The following AK9 variants were observed in gnomAD, a reference collection of about 807,000 sequenced individuals.
The protein encoded by AK9 is adenylate kinase domain containing 1.
In AK9, 191 loss-of-function variants were observed where a neutral mutation model predicts 239.6. That is an observed-to-expected ratio of 0.80 (90% confidence interval 0.71 to 0.90). The LOEUF is 0.90. Ranked by LOEUF, AK9 falls within the 40% of genes least tolerant of loss-of-function variation. The probability of loss-of-function intolerance (pLI) is 0.00; values close to 1 mark genes in which losing one functional copy is unlikely to be tolerated. For missense variants in AK9, 1,995 were observed against 2,214.7 expected, an observed-to-expected ratio of 0.90 and a Z score of 1.99; for synonymous variants, 689 against 721.0, an observed-to-expected ratio of 0.96 and a Z score of 0.71.
At position 109,550,051 on chromosome 6, in the gene AK9, C is replaced by T. The variant is rs746906149; in HGVS notation, c.2964+39G>A. ...GATTGGTAATCAGTCCCAAAAAAAT[C>T]CTGTGGGAGCAATCATTAAGATAGG... On this transcript the variant is annotated intron_variant, in intron 25 of 40. Coordinates refer to ENST00000424296, the MANE Select transcript of AK9 (RefSeq NM_001145128.3). 9 of 1,590,054 alleles carry T rather than the reference C, an allele frequency of 5.7e-6. No individual in the cohort carries two copies. In the Admixed American group the frequency reaches 1.0e-4, roughly 18 times the overall value.
Position 109,635,357 on chromosome 6 carries a change from A to G in AK9, c.934-2034T>C, listed in dbSNP as rs78521208. ...GGATTCACTTTGCAAAACCCTGGAA[A>G]GACATGGGACCTTGTGATACCAGGT... is the stretch of plus-strand genomic sequence containing the variant. On this transcript the variant is annotated intron_variant, in intron 10 of 40. Transcript: ENST00000424296. Among the ~76,000 whole-genome samples, 335 of 152,322 alleles carry G rather than the reference A, an allele frequency of 2.2e-3. 2 individuals are homozygous for G. Among genetic ancestry groups the G allele is most frequent in the African/African-American group, 7.8e-3 (323 of 41,578 alleles).
intron 21 of AK9, among the ~76,000 whole-genome samples, chr6:109,571,717 T>C (rs1303158918): frequency 6.6e-6 from 1 of 152,180 alleles, no homozygotes; most frequent in African/African-American, 2.4e-5. Context: ...TTAATAGACA[T>C]TTTTCAAATT....
At chr6:109,649,057 A>G (rs866111734) in intron 8 of AK9, among the ~76,000 whole-genome samples, 1 of 152,078 alleles carries the variant, frequency 6.6e-6, no homozygotes, top group African/African-American at 2.4e-5. Flanking sequence ...CATGCTAAAA[A>G]CTCTCAATAA....
chr6:109,659,624 C>A (rs746930348), intron 6 of AK9, among the ~76,000 whole-genome samples: 1 of 151,498 alleles, frequency 6.6e-6, no homozygotes, highest in Non-Finnish European at 1.5e-5. Context: ...TTTTATTTGT[C>A]CAAAATTAAT....
rs1324928055 is a variant in AK9, at chr6:109,671,993, C to G, written c.257G>C (p.Gly86Ala). 2 of 1,613,834 alleles carry G rather than the reference C, an allele frequency of 1.2e-6. No individual in the cohort carries two copies. The highest frequency in any genetic ancestry group is 1.3e-5 in the African/African-American group (1 of 74,884). ...GACAAGTTCATCTGGAATGCTTTGA[C>G]CGCTGATCAACATTGATTGCAACTA... ...GVMLQSMLIS[G>A]QSIPDELVIK... is the part of the protein sequence containing the mutation. The change falls in exon 5 of 41, where the codon GGT (glycine) becomes GCT (alanine). Residue 86 changes from glycine to alanine, a missense_variant. Gly to Ala is a moderately conservative substitution (Grantham distance 60). This residue lies in a region of AK9 where 252 missense variants were observed against 246.4 expected (regional missense o/e 1.02). Transcript: ENST00000424296.
At chr6:109,545,746 T>C in intron 26 of AK9, 121 bp downstream of exon 26, 4 of 1,251,286 alleles carry the variant, frequency 3.2e-6, no homozygotes, top group Non-Finnish European at 2.2e-6. Context: ...GAGGCTTTGG[T>C]GAGCTGTGAT....
intron 28 of AK9, among the ~76,000 whole-genome samples, chr6:109,529,667 A>T (rs1219773594): frequency 6.6e-6 from 1 of 152,174 alleles, no homozygotes; most frequent in East Asian, 1.9e-4. Flanking sequence ...CTGCAACTAC[A>T]TGGTCCCATC....
Position 109,546,025 on chromosome 6 carries a change from C to T in AK9, c.3067G>A (p.Glu1023Lys), listed in dbSNP as rs752086008. ...AGTAGTTTTTCTTGAAGAACTTCTT[C>T]AAACTGAATGTGAAAAATGTTTAAT... ...EKLNIFHIQF[E>K]EVLQEKLLLK... Residue 1023 changes from glutamate (E) to lysine (K), a missense_variant, in exon 26 of 41, where the codon GAA becomes AAA. Coordinates refer to ENST00000424296, the MANE Select transcript of AK9 (RefSeq NM_001145128.3). The T allele has an allele frequency of 3.7e-6, 6 of 1,613,418 alleles. No homozygotes were observed. The highest frequency in any genetic ancestry group is 1.3e-5 in the African/African-American group (1 of 74,926).
chr6:109,661,029 G>A (rs937997445), intron 6 of AK9: 12 of 458,466 alleles, frequency 2.6e-5, no homozygotes, highest in Non-Finnish European at 5.1e-5. Context: ...AATTTCAAGA[G>A]GTTCATGAAT....
intron 26 of AK9, among the ~76,000 whole-genome samples, chr6:109,545,061 G>A (rs1021728992): frequency 1.2e-4 from 19 of 152,202 alleles, no homozygotes; most frequent in African/African-American, 4.6e-4. Context: ...ACTTTTATGG[G>A]CTAATTATTT....
intron 35 of AK9, among the ~76,000 whole-genome samples, chr6:109,500,659 T>A (rs1197920743): frequency 1.3e-5 from 2 of 152,172 alleles, no homozygotes; most frequent in African/African-American, 4.8e-5. Context: ...AGCACTGTAA[T>A]CCCTTATCTA....
At chr6:109,569,056 A>T (rs1206621391) in intron 21 of AK9, among the ~76,000 whole-genome samples, 1 of 152,218 alleles carries the variant, frequency 6.6e-6, no homozygotes, top group Non-Finnish European at 1.5e-5. Flanking sequence ...TAACCAAAAC[A>T]GTATGGTACT....
Position 109,563,650 on chromosome 6 carries a change from A to G in AK9, c.2698T>C (p.Tyr900His). The change falls in exon 24 of 41, where the codon TAC becomes CAC. Residue 900 changes from tyrosine to histidine, a missense_variant. Around this residue, in one of 5 missense-constraint regions of AK9, gnomAD observed 1,290 missense variants for 1,392.7 expected, o/e 0.93. Transcript: ENST00000424296. ...GEDYEEETEDYQTEAEVDEEL... is the reference protein window; with the variant it reads ...GEDYEEETEDHQTEAEVDEEL... ...TCATCAACCTCTGCTTCAGTCTGGT[A>G]GTCTTCTGTTTCTTCCTCATAATCT... 1.3e-6 allele frequency: 2 copies of G among 1,550,638 alleles called. No individual in the cohort carries two copies. Among genetic ancestry groups the G allele is most frequent in the Non-Finnish European group, 1.7e-6 (2 of 1,145,988 alleles).
chr6:109,637,809 A>T (rs909677693), intron 10 of AK9, among the ~76,000 whole-genome samples: 1 of 152,248 alleles, frequency 6.6e-6, no homozygotes, highest in Non-Finnish European at 1.5e-5. Flanking sequence ...ATATTAATCA[A>T]CTTTAATTGA....
chr6:109,690,048 G>A (rs1039518981), intron 1 of AK9, among the ~76,000 whole-genome samples: 7 of 152,130 alleles, frequency 4.6e-5, no homozygotes, highest in Non-Finnish European at 8.8e-5. Context: ...TACAATTTTT[G>A]TAATTTCTCA....
chr6:109,577,911 T>G (rs1788317212), intron 20 of AK9, among the ~76,000 whole-genome samples: 1 of 148,322 alleles, frequency 6.7e-6, no homozygotes, highest in Non-Finnish European at 1.5e-5. Flanking sequence ...TCTCTCTTTC[T>G]TTCTTTCTTT....
chr6:109,681,430 A>C (rs896337719), intron 1 of AK9, among the ~76,000 whole-genome samples: 3 of 152,202 alleles, frequency 2.0e-5, no homozygotes, highest in African/African-American at 7.2e-5. Flanking sequence ...ATATAGGAGC[A>C]CCCAGATTCA....
rs551876153 is a variant in AK9, at chr6:109,569,315, A to G, written c.2344+4127T>C. On this transcript the variant is annotated intron_variant, in intron 21 of 40. Transcript: ENST00000424296. ...TAAAGACTTAAATGTTAGACCTAAAACCATAAAAACCCTAGAAACAAACCT... is the reference window on the plus strand; with the variant it reads ...TAAAGACTTAAATGTTAGACCTAAAGCCATAAAAACCCTAGAAACAAACCT... Among the ~76,000 whole-genome samples, 112 of 152,294 alleles carry G rather than the reference A, an allele frequency of 7.4e-4. 1 individual carries two copies. The highest frequency in any genetic ancestry group is 2.6e-3 in the African/African-American group (109 of 41,558).
Position 109,539,158 on chromosome 6 carries a change from C to T in AK9, c.3350+2889G>A, listed in dbSNP as rs539854077. Among the ~76,000 whole-genome samples, 174 of 152,278 alleles carry T rather than the reference C, an allele frequency of 1.1e-3. 2 individuals are homozygous for T. The highest frequency in any genetic ancestry group is 3.4e-3 in the Middle Eastern group (1 of 294). The stretch of plus-strand genomic sequence containing the variant: ...TGAATTTGAATGTTGGCCTGCCTTG[C>T]TAGGTTGGGGAAATTCTCCTGGATA... On this transcript the variant is annotated intron_variant, in intron 27 of 40. Coordinates refer to ENST00000424296, the MANE Select transcript of AK9 (RefSeq NM_001145128.3).
Sources: allele counts gnomAD v4.1 joint callset (sites outside exome capture counted in the v4.1 genomes callset), GRCh38; gene constraint gnomAD v4.1.1; regional missense constraint gnomAD v4.1.1; transcripts MANE v1.5; gene names NCBI Gene and HGNC (gene_info 2026-07-23, HGNC 2026-07-21).